Variants in FER observed in about 807,000 individuals in gnomAD.
FER encodes the protein FER tyrosine kinase.
In FER, 63 loss-of-function variants were observed where a neutral mutation model predicts 111.0. The ratio of observed to expected loss-of-function variants is 0.57; its 90% confidence interval spans 0.46 to 0.70. The LOEUF (loss-of-function observed/expected upper bound fraction) is 0.70. Ranked by LOEUF, FER falls within the 30% of genes least tolerant of loss-of-function variation. The pLI is 0.00. For missense variants in FER, 914 were observed against 954.0 expected (o/e 0.96, Z 0.55); for synonymous variants, 327 against 313.9 (o/e 1.04, Z -0.44).
chr5:109,053,530 T>C (rs892229374), intron 16 of FER, among the ~76,000 whole-genome samples: 3 of 152,070 alleles, frequency 2.0e-5, no homozygotes, highest in African/African-American at 7.2e-5. Context: ...AGCCAACCAC[T>C]AAGGTGCTTT....
At chr5:108,774,711 GT>G (rs1451933883) in intron 2 of FER, among the ~76,000 whole-genome samples, 1 of 150,964 alleles carries the variant, frequency 6.6e-6, no homozygotes, top group Non-Finnish European at 1.5e-5. Flanking sequence ...AGATGTGTCT[GT>G]TCATATCCTT....
chr5:109,044,718 T>A lies in FER; in HGVS notation c.1752T>A (p.Asp584Glu). Residue 584 changes from aspartate (D) to glutamate (E), a missense_variant, in exon 15 of 20, where the codon GAT (aspartate) becomes GAA (glutamate). Physicochemically the swap from Asp to Glu is conservative, Grantham distance 45. Coordinates refer to ENST00000281092, the MANE Select transcript of FER (RefSeq NM_005246.4). ...FGEVYKGTLK[D>E]KTSVAVKTCK... ...AAGTATATAAGGGCACATTAAAGGA[T>A]AAAACTTCTGTTGCTGTTAAAACAT... 6.3e-7 allele frequency: 1 copy of A among 1,586,724 alleles called. No homozygotes were observed. Among genetic ancestry groups the A allele is most frequent in the Non-Finnish European group, 8.6e-7 (1 of 1,169,214 alleles).
intron 17 of FER, among the ~76,000 whole-genome samples, chr5:109,148,856 G>A (rs1484708098): frequency 1.3e-5 from 2 of 152,132 alleles, no homozygotes; most frequent in South Asian, 2.1e-4. Flanking sequence ...AGCAATGAGT[G>A]TGTAAGATGG....
At chr5:108,762,841 A>G (rs1345700048) in intron 1 of FER, among the ~76,000 whole-genome samples, 1 of 152,214 alleles carries the variant, frequency 6.6e-6, no homozygotes, top group Non-Finnish European at 1.5e-5. Context: ...TCCTTTAGCT[A>G]ACCATGTGAC....
chr5:109,059,448 A>G (rs987725700), intron 16 of FER, among the ~76,000 whole-genome samples: 1 of 152,046 alleles, frequency 6.6e-6, no homozygotes, highest in Non-Finnish European at 1.5e-5. Flanking sequence ...GAATCGCTTG[A>G]ACCCGGGAGG....
At chr5:109,186,368 G>A (rs1046802697) in intron 19 of FER, 46 bp downstream of exon 19, 6 of 1,613,640 alleles carry the variant, frequency 3.7e-6, no homozygotes, top group East Asian at 2.2e-5. Flanking sequence ...CAGCCCCAGG[G>A]GTAGGCAGTG....
chr5:109,186,214 G>C lies in FER; in HGVS notation c.2218G>C (p.Glu740Gln). The change falls in exon 19 of 20, where the codon GAG becomes CAG. Residue 740 changes from glutamate (E) to glutamine (Q), a missense_variant. By Grantham distance (29) the Glu-to-Gln change is conservative. Coordinates refer to ENST00000281092, the MANE Select transcript of FER (RefSeq NM_005246.4). The part of the protein sequence containing the change: ...EALNYGRYSS[E>Q]SDVWSFGILL... ...TCCTCTTCCAGGGAGATACAGTTCA[G>C]AGAGTGACGTGTGGAGCTTTGGCAT... is the stretch of plus-strand genomic sequence containing the variant. The C allele has an allele frequency of 1.9e-6, 3 of 1,614,136 alleles. No homozygotes were observed. Among genetic ancestry groups the C allele is most frequent in the Non-Finnish European group, 2.5e-6 (3 of 1,179,970 alleles).
chr5:109,023,959 A>T (rs1283739974), intron 13 of FER, among the ~76,000 whole-genome samples: 2 of 152,174 alleles, frequency 1.3e-5, no homozygotes, highest in African/African-American at 4.8e-5. Context: ...ATTATATGTT[A>T]GGCACTGACT....
chr5:108,924,284 C>G (rs531043521), intron 10 of FER, among the ~76,000 whole-genome samples: 1 of 147,972 alleles, frequency 6.8e-6, no homozygotes, highest in South Asian at 2.1e-4. Flanking sequence ...CACTTGAACC[C>G]GGGAAGCAGA....
At chr5:108,854,372 C>A (rs1473071083) in intron 5 of FER, among the ~76,000 whole-genome samples, 3 of 152,114 alleles carry the variant, frequency 2.0e-5, no homozygotes, top group African/African-American at 7.2e-5. Context: ...AAATCACCAA[C>A]AAAATTCACA....
In FER at chr5:109,170,487, A is replaced by T. The variant is rs148643926; in HGVS notation, c.2049-10260A>T. 5.4e-4 allele frequency among the ~76,000 whole-genome samples: 82 copies of T among 152,264 alleles called. 1 individual carries two copies. Among genetic ancestry groups the T allele is most frequent in the Non-Finnish European group, 4.7e-4 (32 of 68,008 alleles). On this transcript the variant is annotated intron_variant, in intron 17 of 19. Transcript: ENST00000281092. ...TTCCATACTCAGCCACTTACCAGCT[A>T]TGTGATCTTGGGCAAGTTATTTAAT...
chr5:109,171,992 T>C (rs572987601), intron 17 of FER, among the ~76,000 whole-genome samples: 85 of 152,268 alleles, frequency 5.6e-4, no homozygotes, highest in African/African-American at 1.9e-3. Context: ...CAACAGGTGC[T>C]GGAGAGGATG....
intron 13 of FER, among the ~76,000 whole-genome samples, chr5:109,032,596 A>G (rs749253333): frequency 6.6e-6 from 1 of 151,898 alleles, no homozygotes; most frequent in African/African-American, 2.4e-5. Flanking sequence ...GCATCAGCCA[A>G]CTCCCCAGAA....
Position 109,186,197 on chromosome 5 carries a change from C to T in FER, c.2204-3C>T, listed in dbSNP as rs1350614374. 1.9e-6 allele frequency: 3 copies of T among 1,614,068 alleles called. No homozygotes were observed. In the South Asian group the frequency reaches 3.3e-5, roughly 18 times the overall value. On this transcript the variant is annotated splice_polypyrimidine_tract_variant and splice_region_variant and intron_variant, in intron 18 of 19. Transcript: ENST00000281092. ...GTGGTTATGGTTGTTGTTCCTCTTCCAGGGAGATACAGTTCAGAGAGTGAC... is the reference window on the plus strand; with the variant it reads ...GTGGTTATGGTTGTTGTTCCTCTTCTAGGGAGATACAGTTCAGAGAGTGAC...
At chr5:109,021,193 AT>A (rs1263969987) in intron 13 of FER, among the ~76,000 whole-genome samples, 1 of 151,996 alleles carries the variant, frequency 6.6e-6, no homozygotes, top group African/African-American at 2.4e-5. Context: ...TCCTACTACC[AT>A]TTTAATTAAT....
chr5:108,796,850 C>T (rs1393074026), intron 2 of FER, among the ~76,000 whole-genome samples: 1 of 152,048 alleles, frequency 6.6e-6, no homozygotes, highest in East Asian at 1.9e-4. Context: ...TAAGAATGTG[C>T]TTGGTGCTCT....
intron 13 of FER, among the ~76,000 whole-genome samples, chr5:108,992,494 C>A (rs1218549774): frequency 6.7e-6 from 1 of 149,322 alleles, no homozygotes; most frequent in African/African-American, 2.5e-5. Context: ...GGTGGCTGGC[C>A]GGGCGGGGGG....
chr5:108,860,247 A>ATTT (rs111373307), intron 5 of FER, among the ~76,000 whole-genome samples: 1 of 150,896 alleles, frequency 6.6e-6, no homozygotes, highest in Non-Finnish European at 1.5e-5. Context: ...GGCCATACCT[A>ATTT]TTTTTGTTTT....
At chr5:108,929,196 TA>T (rs1476546983) in intron 10 of FER, among the ~76,000 whole-genome samples, 1 of 152,130 alleles carries the variant, frequency 6.6e-6, no homozygotes. Flanking sequence ...CAGTAATTAG[TA>T]AAAACAGACT....
Sources: allele counts gnomAD v4.1 joint callset (sites outside exome capture counted in the v4.1 genomes callset), GRCh38; gene constraint gnomAD v4.1.1; transcripts MANE v1.5; gene names NCBI Gene and HGNC (gene_info 2026-07-23, HGNC 2026-07-21).